Variants in DPP10 observed in about 807,000 individuals in gnomAD.
The protein encoded by DPP10 is dipeptidyl peptidase like 10, also known as inactive dipeptidyl peptidase 10.
In DPP10, 33 loss-of-function variants were observed where a neutral mutation model predicts 120.9. The observed-to-expected ratio is 0.27, with a 90% CI of 0.21 to 0.37. DPP10 has a LOEUF of 0.37. Among genes scored for constraint, DPP10 ranks in the 10% least tolerant of loss-of-function variants. DPP10 has a pLI of 1.00. For synonymous variants in DPP10, 337 were observed against 326.1 expected (o/e 1.03, Z -0.36); for missense variants, 816 against 942.8 (o/e 0.87, Z 1.76).
intron 3 of DPP10, among the ~76,000 whole-genome samples, chr2:115,386,624 G>A (rs1180401060): frequency 1.4e-4 from 21 of 152,122 alleles, no homozygotes; most frequent in Admixed American, 1.4e-3. Flanking sequence ...ATCTCAAGTT[G>A]ATAAGGGTCT....
chr2:115,004,651 C>T (rs1558978971), intron 1 of DPP10, among the ~76,000 whole-genome samples: 1 of 152,218 alleles, frequency 6.6e-6, no homozygotes, highest in South Asian at 2.1e-4. Flanking sequence ...TAATACTGCA[C>T]TTTTCCGTTG....
At chr2:114,931,901 A>T (rs532180366) in intron 1 of DPP10, among the ~76,000 whole-genome samples, 1 of 152,362 alleles carries the variant, frequency 6.6e-6, no homozygotes, top group Non-Finnish European at 1.5e-5. Context: ...CAATTGTTGC[A>T]TGGGACATAA....
intron 4 of DPP10, among the ~76,000 whole-genome samples, chr2:115,523,084 A>G (rs986532251): frequency 1.3e-5 from 2 of 152,152 alleles, no homozygotes; most frequent in East Asian, 3.9e-4. Context: ...GTTTCTCTGC[A>G]GCATCAGTGA....
chr2:115,354,127 A>G (rs1302133266), intron 3 of DPP10, among the ~76,000 whole-genome samples: 1 of 152,128 alleles, frequency 6.6e-6, no homozygotes, highest in African/African-American at 2.4e-5. Context: ...AACTTAGGAC[A>G]TATTTTCATT....
chr2:115,659,428 A>T (rs2088702844), intron 5 of DPP10, among the ~76,000 whole-genome samples: 1 of 152,098 alleles, frequency 6.6e-6, no homozygotes, highest in Non-Finnish European at 1.5e-5. Context: ...TAGAATTGAA[A>T]CTATTTCCAG....
At chr2:114,494,610 G>A (rs17048437) in intron 1 of DPP10, among the ~76,000 whole-genome samples, 6,302 of 152,166 alleles carry the variant, frequency 0.041, 224 homozygotes, top group Middle Eastern at 0.092. Context: ...TAGGAAATCC[G>A]GTCATACCTA....
intron 1 of DPP10, among the ~76,000 whole-genome samples, chr2:115,250,682 A>C (rs1043938503): frequency 6.6e-6 from 1 of 152,174 alleles, no homozygotes; most frequent in Non-Finnish European, 1.5e-5. Flanking sequence ...TCAACACTGT[A>C]TTTTCTAGGT....
At chr2:114,669,765 T>A (rs960814947) in intron 1 of DPP10, among the ~76,000 whole-genome samples, 48 of 152,092 alleles carry the variant, frequency 3.2e-4, no homozygotes, top group African/African-American at 1.1e-3. Flanking sequence ...CCATTTTTTT[T>A]ATTATTACAA....
chr2:115,521,578 C>G (rs1311142116), intron 4 of DPP10, among the ~76,000 whole-genome samples: 1 of 150,964 alleles, frequency 6.6e-6, no homozygotes, highest in Non-Finnish European at 1.5e-5. Context: ...ATACTTTCTT[C>G]TTTCTCCATC....
At chr2:114,511,412 A>T (rs1684136454) in intron 1 of DPP10, among the ~76,000 whole-genome samples, 2 of 152,220 alleles carry the variant, frequency 1.3e-5, no homozygotes, top group South Asian at 4.1e-4. Flanking sequence ...GAACTGTCAG[A>T]GTAGGCTTTT....
chr2:115,712,371 G>A (rs1229901793), intron 7 of DPP10, among the ~76,000 whole-genome samples: 1 of 150,920 alleles, frequency 6.6e-6, no homozygotes, highest in Non-Finnish European at 1.5e-5. Flanking sequence ...GTGGCTGTAA[G>A]CACAGATGAA....
chr2:114,814,719 G>A (rs1322354006), intron 1 of DPP10, among the ~76,000 whole-genome samples: 7 of 152,196 alleles, frequency 4.6e-5, no homozygotes, highest in Admixed American at 1.3e-4. Flanking sequence ...ATTGATGGAC[G>A]TTCAGCATTG....
intron 1 of DPP10, among the ~76,000 whole-genome samples, chr2:114,999,325 G>A (rs185595164): frequency 1.1e-4 from 16 of 152,120 alleles, no homozygotes; most frequent in South Asian, 2.1e-4. Context: ...TCTCTCTCCC[G>A]GATTACTTCC....
chr2:114,762,287 T>C (rs1180436039), intron 1 of DPP10, among the ~76,000 whole-genome samples: 1 of 152,230 alleles, frequency 6.6e-6, no homozygotes. Context: ...TCTTTTCTTC[T>C]GCTTACTCTA....
At chr2:114,639,548 A>G (rs1427622999) in intron 1 of DPP10, among the ~76,000 whole-genome samples, 1 of 151,922 alleles carries the variant, frequency 6.6e-6, no homozygotes, top group African/African-American at 2.4e-5. Flanking sequence ...CTTATTGAGT[A>G]CTGTGCTTAG....
chr2:115,090,472 C>A (rs951043122), intron 1 of DPP10, among the ~76,000 whole-genome samples: 9 of 152,066 alleles, frequency 5.9e-5, no homozygotes, highest in Non-Finnish European at 1.0e-4. Context: ...GGTGAGGGGA[C>A]TTGCACTTGC....
chr2:114,790,589 A>G (rs7568289), intron 1 of DPP10, among the ~76,000 whole-genome samples: 81,826 of 151,592 alleles, frequency 0.54, 22,655 homozygotes, highest in East Asian at 0.86. Flanking sequence ...AGGGAGATAA[A>G]GGTGGGGCCG....
At chr2:115,762,115 GA>G (rs1162489020) in intron 11 of DPP10, among the ~76,000 whole-genome samples, 2 of 151,958 alleles carry the variant, frequency 1.3e-5, no homozygotes, top group Non-Finnish European at 2.9e-5. Flanking sequence ...CTACTGATAA[GA>G]AAAAAAGAAG....
At chr2:114,593,650 T>C (rs1691643809) in intron 1 of DPP10, among the ~76,000 whole-genome samples, 4 of 152,282 alleles carry the variant, frequency 2.6e-5, no homozygotes, top group African/African-American at 9.6e-5. Flanking sequence ...GGGGATACAA[T>C]GTGATGTTGT....
Sources: gnomAD v4.1 joint callset for allele counts (sites outside exome capture counted in the v4.1 genomes callset) on GRCh38, gnomAD v4.1.1 for gene constraint, MANE v1.5 for transcripts, NCBI Gene and HGNC (gene_info 2026-07-23, HGNC 2026-07-21) for gene names.